AHI1: variants seen among roughly 807,000 people sequenced by gnomAD.
AHI1 encodes jouberin.
Under a neutral mutation model 149.3 loss-of-function variants are expected in AHI1, and 123 were observed. The ratio of observed to expected loss-of-function variants is 0.82; its 90% CI spans 0.71 to 0.96. AHI1 has a LOEUF of 0.96. Among genes scored for constraint, AHI1 ranks in the 40% least tolerant of loss-of-function variants. AHI1 has a pLI of 0.00. For synonymous variants in AHI1, 475 were observed against 459.8 expected (o/e 1.03, Z -0.42); for missense variants, 1,439 against 1,422.7 (o/e 1.01, Z -0.18).
intron 8 of AHI1, among the ~76,000 whole-genome samples, chr6:135,459,704 C>T (rs1057466507): frequency 6.7e-6 from 1 of 149,242 alleles, no homozygotes; most frequent in African/African-American, 2.5e-5. Context: ...AGACACATCC[C>T]TCAAAAACTA....
At chr6:135,340,181 C>T (rs1015805748) in intron 24 of AHI1, among the ~76,000 whole-genome samples, 1 of 152,064 alleles carries the variant, frequency 6.6e-6, no homozygotes, top group African/African-American at 2.4e-5. Context: ...ACCAGCCTGA[C>T]CAACACGGTG....
At chr6:135,374,269 C>T (rs907227287) in intron 23 of AHI1, among the ~76,000 whole-genome samples, 2 of 151,142 alleles carry the variant, frequency 1.3e-5, no homozygotes, top group Non-Finnish European at 3.0e-5. Context: ...CCCGCCATCA[C>T]GCCTGGCTAA....
At chr6:135,335,772 A>G (rs1416518422) in intron 24 of AHI1, among the ~76,000 whole-genome samples, 1 of 152,202 alleles carries the variant, frequency 6.6e-6, no homozygotes, top group Non-Finnish European at 1.5e-5. Flanking sequence ...AAGTATTTGT[A>G]AATAACATCC....
At chr6:135,348,386 C>T (rs17064442) in intron 24 of AHI1, among the ~76,000 whole-genome samples, 2,006 of 152,160 alleles carry the variant, frequency 0.013, 45 homozygotes, top group African/African-American at 0.046. Context: ...CTGCTAGTGA[C>T]TATATTACTG....
intron 26 of AHI1, among the ~76,000 whole-genome samples, chr6:135,314,777 G>A (rs1785697838): frequency 6.6e-6 from 1 of 152,154 alleles, no homozygotes; most frequent in Non-Finnish European, 1.5e-5. Flanking sequence ...CCCTACTGCT[G>A]ATTTTAGGGT....
chr6:135,323,874 A>G (rs1266468149), intron 24 of AHI1, among the ~76,000 whole-genome samples: 1 of 152,240 alleles, frequency 6.6e-6, no homozygotes, highest in Non-Finnish European at 1.5e-5. Context: ...TTTAAAAAGT[A>G]TCCATATAAG....
chr6:135,490,477 T>C, intron 5 of AHI1, 146 bp downstream of exon 5: 1 of 957,348 alleles, frequency 1.0e-6, no homozygotes, highest in Non-Finnish European at 1.6e-6. Flanking sequence ...TAATATAAAC[T>C]TTATTTTTAC....
intron 23 of AHI1, among the ~76,000 whole-genome samples, chr6:135,366,320 T>A (rs1774177637): frequency 6.6e-6 from 1 of 152,142 alleles, no homozygotes; most frequent in African/African-American, 2.4e-5. Flanking sequence ...TAGGAAAGAT[T>A]CCCTTGTTCT....
At chr6:135,314,732 G>T (rs984134429) in intron 26 of AHI1, among the ~76,000 whole-genome samples, 1 of 152,140 alleles carries the variant, frequency 6.6e-6, no homozygotes, top group Non-Finnish European at 1.5e-5. Flanking sequence ...CATGAACCAT[G>T]AGAGCCGGGA....
chr6:135,482,325 A>G (rs1279825264), intron 5 of AHI1, among the ~76,000 whole-genome samples: 1 of 152,188 alleles, frequency 6.6e-6, no homozygotes, highest in Admixed American at 6.5e-5. Context: ...AGCCTAGTCT[A>G]GTGTTTACCA....
At chr6:135,391,272 CT>C (rs1422096697) in intron 23 of AHI1, among the ~76,000 whole-genome samples, 2 of 152,144 alleles carry the variant, frequency 1.3e-5, no homozygotes, top group Non-Finnish European at 2.9e-5. Context: ...CAGTACCCAA[CT>C]TTTTTGGCAC....
At chr6:135,348,980 G>A (rs996299833) in intron 24 of AHI1, among the ~76,000 whole-genome samples, 2 of 152,210 alleles carry the variant, frequency 1.3e-5, no homozygotes, top group Middle Eastern at 3.4e-3. Context: ...GAGAAGACTT[G>A]TCTCAACAAC....
At chr6:135,404,556 T>C (rs1407728639) in intron 22 of AHI1, among the ~76,000 whole-genome samples, 1 of 152,200 alleles carries the variant, frequency 6.6e-6, no homozygotes, top group Non-Finnish European at 1.5e-5. Context: ...GTACAATAAA[T>C]CATTTATGTA....
In AHI1 at chr6:135,428,760, C is replaced by G; in HGVS notation, c.2493-1G>C. 1 of 1,595,684 alleles carries G rather than the reference C, an allele frequency of 6.3e-7. No homozygotes were observed. Among genetic ancestry groups the G allele is most frequent in the South Asian group, 1.1e-5 (1 of 87,834 alleles). On this transcript the variant is annotated splice_acceptor_variant, in intron 18 of 28. Transcript: ENST00000265602. LOFTEE classifies it high-confidence loss of function. ...TCCTACAAACTTCCTTGCTACTAAT[C>G]TACAAGCAAAAAAGATTTTACAAAT...
intron 22 of AHI1, among the ~76,000 whole-genome samples, chr6:135,401,676 T>A (rs564181567): frequency 6.6e-6 from 1 of 152,262 alleles, no homozygotes; most frequent in Non-Finnish European, 1.5e-5. Context: ...TCATACCATA[T>A]ACAAAAATTA....
intron 23 of AHI1, among the ~76,000 whole-genome samples, chr6:135,373,784 A>C (rs1775425595): frequency 6.6e-6 from 1 of 152,200 alleles, no homozygotes; most frequent in South Asian, 2.1e-4. Context: ...ACATATGTCC[A>C]GCAATCTTAT....
At chr6:135,427,429 T>C in intron 19 of AHI1, 122 bp from the exon 20 acceptor site, 2 of 822,050 alleles carry the variant, frequency 2.4e-6, no homozygotes, top group East Asian at 2.8e-5. Context: ...ACATTATTTA[T>C]GTGAAAACCT....
Position 135,465,888 on chromosome 6 carries a change from G to C in AHI1, c.675C>G (p.Phe225Leu). Reference sequence around the variant, plus strand: ...TTTCACTGCTTAGTTTGTCATCATGGAATAAAGTATCTGAGGGAAAGTAAG... The same window carrying C: ...TTTCACTGCTTAGTTTGTCATCATGCAATAAAGTATCTGAGGGAAAGTAAG... ...QLTYFPSDTLFHDDKLSSEKR... is the reference protein window; with the variant it reads ...QLTYFPSDTLLHDDKLSSEKR... Residue 225 changes from phenylalanine to leucine, a missense_variant, in exon 7 of 29, where the codon TTC (phenylalanine) becomes TTG (leucine). Coordinates refer to ENST00000265602, the MANE Select transcript of AHI1 (RefSeq NM_001134831.2). The C allele has an allele frequency of 6.4e-7, 1 of 1,563,618 alleles. No individual in the cohort carries two copies. The highest frequency in any genetic ancestry group is 8.6e-7 in the Non-Finnish European group (1 of 1,158,088).
chr6:135,432,324 G>C (rs1784780245), intron 16 of AHI1, among the ~76,000 whole-genome samples: 1 of 152,036 alleles, frequency 6.6e-6, no homozygotes, highest in Non-Finnish European at 1.5e-5. Context: ...ATAATAAAAT[G>C]ATTTACGTTT....
Sources: gnomAD v4.1 joint callset for allele counts (sites outside exome capture counted in the v4.1 genomes callset) on GRCh38, gnomAD v4.1.1 for gene constraint, MANE v1.5 for transcripts, NCBI Gene and HGNC (gene_info 2026-07-23, HGNC 2026-07-21) for gene names.